The following ARL15 variants were observed in gnomAD, a reference collection of about 807,000 sequenced individuals.
The protein encoded by ARL15 is ARF like GTPase 15, also known as ADP-ribosylation factor-like protein 15.
A neutral mutation model predicts 25.2 loss-of-function variants in ARL15; 19 were observed. That is an observed-to-expected ratio of 0.75 (90% confidence interval 0.53 to 1.10). The LOEUF (loss-of-function observed/expected upper bound fraction) is 1.10. Ranked by LOEUF, ARL15 falls within the 50% of genes least tolerant of loss-of-function variation. ARL15 has a pLI of 0.00. For missense variants in ARL15, 220 were observed against 246.0 expected, an observed-to-expected ratio of 0.89 and a Z score of 0.71; for synonymous variants, 94 against 86.8, an observed-to-expected ratio of 1.08 and a Z score of -0.46.
At chr5:54,041,555 G>A (rs1750342876) in intron 4 of ARL15, among the ~76,000 whole-genome samples, 1 of 152,116 alleles carries the variant, frequency 6.6e-6, no homozygotes, top group Admixed American at 6.6e-5. Context: ...TTAACTACAG[G>A]CTCTACATGA....
At chr5:54,000,104 C>T (rs1325335952) in intron 4 of ARL15, among the ~76,000 whole-genome samples, 1 of 152,084 alleles carries the variant, frequency 6.6e-6, no homozygotes, top group Admixed American at 6.5e-5. Flanking sequence ...AAAAGCTACA[C>T]TGCAGACTGA....
chr5:54,118,746 T>C (rs1752984473), intron 3 of ARL15, among the ~76,000 whole-genome samples: 1 of 152,174 alleles, frequency 6.6e-6, no homozygotes, highest in African/African-American at 2.4e-5. Context: ...TACCATTATA[T>C]CGGAATTCTA....
At chr5:54,090,067 T>G (rs1251181515) in intron 4 of ARL15, among the ~76,000 whole-genome samples, 1 of 152,188 alleles carries the variant, frequency 6.6e-6, no homozygotes, top group Non-Finnish European at 1.5e-5. Flanking sequence ...TTTCTATTCT[T>G]AGGTACATAC....
chr5:54,185,743 CAAT>C (rs1445285661), intron 1 of ARL15, among the ~76,000 whole-genome samples: 1 of 152,142 alleles, frequency 6.6e-6, no homozygotes, highest in African/African-American at 2.4e-5. Context: ...ACTCAATAAT[CAAT>C]AGGTGTTATT....
At chr5:54,141,347 T>C (rs1210074319) in intron 3 of ARL15, among the ~76,000 whole-genome samples, 1 of 152,120 alleles carries the variant, frequency 6.6e-6, no homozygotes, top group Non-Finnish European at 1.5e-5. Context: ...TCTTTCCGAG[T>C]CCTTTCCCAG....
chr5:54,245,868 AC>A (rs1185134558), intron 1 of ARL15, among the ~76,000 whole-genome samples: 1 of 152,124 alleles, frequency 6.6e-6, no homozygotes, highest in Non-Finnish European at 1.5e-5. Context: ...GATTACGGGC[AC>A]GAGCCACTGT....
intron 4 of ARL15, among the ~76,000 whole-genome samples, chr5:53,898,143 C>T (rs1257206489): frequency 1.3e-5 from 2 of 152,200 alleles, no homozygotes; most frequent in Non-Finnish European, 2.9e-5. Flanking sequence ...GTCTTGCTAT[C>T]TCACAGGTGG....
At chr5:54,283,410 A>G (rs1758106816) in intron 1 of ARL15, among the ~76,000 whole-genome samples, 1 of 152,216 alleles carries the variant, frequency 6.6e-6, no homozygotes, top group Admixed American at 6.5e-5. Flanking sequence ...TGTTGAGTGA[A>G]GTACTTAAAC....
At chr5:53,973,634 C>T (rs1747824734) in intron 4 of ARL15, among the ~76,000 whole-genome samples, 1 of 148,338 alleles carries the variant, frequency 6.7e-6, no homozygotes, top group Admixed American at 6.7e-5. Flanking sequence ...GTCTTTGCTA[C>T]TTGGGAGGCT....
intron 1 of ARL15, among the ~76,000 whole-genome samples, chr5:54,273,271 G>A (rs1266602688): frequency 6.6e-6 from 1 of 152,158 alleles, no homozygotes; most frequent in Non-Finnish European, 1.5e-5. Context: ...TGAAATTTAG[G>A]TTAATTATGA....
chr5:54,265,607 C>T (rs534067014), intron 1 of ARL15, among the ~76,000 whole-genome samples: 2 of 149,292 alleles, frequency 1.3e-5, no homozygotes, highest in South Asian at 4.3e-4. Context: ...TTTTATGGTA[C>T]TTTCTATCAT....
intron 4 of ARL15, among the ~76,000 whole-genome samples, chr5:54,056,949 CAAACAT>C (rs1216693975): frequency 1.3e-5 from 2 of 151,678 alleles, no homozygotes; most frequent in Non-Finnish European, 2.9e-5. Flanking sequence ...GTCATGAACA[CAAACAT>C]ATACACATGT....
rs140873130 is a variant in ARL15 at position 53,884,271 on chromosome 5, A to G, written c.*2290T>C. The G allele has an allele frequency of 1.6e-4, 25 of 152,332 alleles. No individual in the cohort carries two copies. The highest frequency in any genetic ancestry group is 5.5e-4 in the African/African-American group (23 of 41,572). The allele number at this position is 152,332 out of a possible 1,614,324, so 9.4% of individuals were successfully genotyped here. On this transcript the variant is annotated 3_prime_UTR_variant, in exon 5 of 5. Coordinates refer to ENST00000504924, the MANE Select transcript of ARL15 (RefSeq NM_019087.3). ...AAATACATAACAGACTGTTTTTCCTATATAATATTTGAATATGCAAACCAA... is the reference window on the plus strand; with the variant it reads ...AAATACATAACAGACTGTTTTTCCTGTATAATATTTGAATATGCAAACCAA...
chr5:54,292,223 C>T (rs1758352364), intron 1 of ARL15, among the ~76,000 whole-genome samples: 1 of 152,092 alleles, frequency 6.6e-6, no homozygotes, highest in Non-Finnish European at 1.5e-5. Context: ...CAGGAGCCCT[C>T]CCCTCCCTCC....
At chr5:54,238,581 A>G (rs1756870107) in intron 1 of ARL15, among the ~76,000 whole-genome samples, 1 of 152,184 alleles carries the variant, frequency 6.6e-6, no homozygotes, top group Non-Finnish European at 1.5e-5. Context: ...CTCTAAAGCC[A>G]TCTTAAGTTT....
At chr5:54,047,662 C>T (rs763994220) in intron 4 of ARL15, among the ~76,000 whole-genome samples, 4 of 152,134 alleles carry the variant, frequency 2.6e-5, no homozygotes, top group East Asian at 1.9e-4. Context: ...ATTGAAAGAA[C>T]GGATGGAAAG....
At chr5:53,929,383 G>T (rs1746130534) in intron 4 of ARL15, among the ~76,000 whole-genome samples, 1 of 152,098 alleles carries the variant, frequency 6.6e-6, no homozygotes, top group South Asian at 2.1e-4. Flanking sequence ...TCTCTTATGG[G>T]TCAAACAGAA....
intron 3 of ARL15, among the ~76,000 whole-genome samples, chr5:54,118,895 C>G (rs1359257227): frequency 6.6e-6 from 1 of 152,178 alleles, no homozygotes; most frequent in Admixed American, 6.5e-5. Context: ...GTTCTACGTA[C>G]CATACAAACT....
intron 4 of ARL15, among the ~76,000 whole-genome samples, chr5:53,891,008 C>T (rs1291988726): frequency 5.9e-5 from 9 of 152,180 alleles, no homozygotes; most frequent in African/African-American, 4.8e-5. Context: ...CTTGCCCTCA[C>T]TTGAGATTCA....
Sources: allele counts gnomAD v4.1 joint callset (sites outside exome capture counted in the v4.1 genomes callset), GRCh38; gene constraint gnomAD v4.1.1; transcripts MANE v1.5; gene names NCBI Gene and HGNC (gene_info 2026-07-23, HGNC 2026-07-21).